ZNF107: variants seen among roughly 807,000 people sequenced by gnomAD.
ZNF107 encodes C2H2 type zinc-finger protein.
ZNF107 carries 19 observed loss-of-function variants against 12.3 expected under a neutral mutation model. The ratio of observed to expected loss-of-function variants is 1.55; its 90% CI spans 1.08 to 2.27. The LOEUF is 2.27. ZNF107 is among the 30% of genes most tolerant of loss of function. ZNF107 has a pLI of 0.00. For synonymous variants in ZNF107, 317 were observed against 330.5 expected (o/e 0.96, Z 0.44); for missense variants, 958 against 979.9 (o/e 0.98, Z 0.30).
rs59553545 is a variant in ZNF107 at position 64,705,968 on chromosome 7, TA to T, written c.227-345del. 0.011 allele frequency among the ~76,000 whole-genome samples: 1,657 copies of T among 146,306 alleles called. 75 individuals are homozygous for T. The East Asian group carries it at 0.12, about 11-fold the overall frequency. On this transcript the variant is annotated intron_variant, in intron 3 of 3. Transcript: ENST00000620827. ...TGTTTGTTATTATTTTTCTTGTCTT[TA>T]AAAAAAAAAACACTAAGAGTTGGCA... is the stretch of plus-strand genomic sequence containing the variant.
At chr7:64,698,836 T>A (rs905080358) in intron 3 of ZNF107, among the ~76,000 whole-genome samples, 30 of 152,230 alleles carry the variant, frequency 2.0e-4, no homozygotes, top group Non-Finnish European at 2.8e-4. Flanking sequence ...AGTATTTTTT[T>A]AAAATATTTT....
intron 1 of ZNF107, among the ~76,000 whole-genome samples, chr7:64,682,061 G>C (rs1412495830): frequency 6.6e-6 from 1 of 151,886 alleles, no homozygotes; most frequent in Non-Finnish European, 1.5e-5. Flanking sequence ...CCAAGCCCTT[G>C]CCTGCGACCT....
intron 1 of ZNF107, chr7:64,679,166 C>G: frequency 1.0e-6 from 1 of 984,176 alleles, no homozygotes; most frequent in South Asian, 4.7e-5. Flanking sequence ...TGGGTTTTCT[C>G]TTCAATCCAG....
rs756091616 is a variant in ZNF107 at position 64,708,402 on chromosome 7, G to T, written c.2305G>T (p.Ala769Ser). ...CTATAAATGTGAAGAATGTGGCAAA[G>T]CTTTTAACCAATCCTCAAACCTTAC... ...KPYKCEECGK[A>S]FNQSSNLTTH... Residue 769 changes from alanine to serine, a missense_variant, in exon 4 of 4, where the codon GCT becomes TCT. Transcript: ENST00000620827. 1.2e-6 allele frequency: 2 copies of T among 1,603,686 alleles called. No homozygotes were observed. The highest frequency in any genetic ancestry group is 2.7e-5 in the African/African-American group (2 of 74,532).
Position 64,710,167 on chromosome 7 carries a change from A to G in ZNF107, c.*1511A>G, listed in dbSNP as rs1480010113. The G allele has an allele frequency of 6.3e-6, 1 of 158,734 alleles. No individual in the cohort carries two copies. Among genetic ancestry groups the G allele is most frequent in the African/African-American group, 2.4e-5 (1 of 41,480 alleles). 9.8% of individuals were successfully genotyped at this position (158,734 alleles called of 1,614,324 possible). A position where few individuals can be genotyped will look rare whatever the true frequency, so the allele number is the denominator to read the frequency against. ...AAAAAAGAGTATTCATTGTGAGGAC[A>G]AACAATACAAATACGAAGAGGGTTG... On this transcript the variant is annotated 3_prime_UTR_variant, in exon 4 of 4. Transcript: ENST00000620827.
intron 1 of ZNF107, 118 bp from the exon 2 acceptor site, chr7:64,691,130 C>A: frequency 9.5e-7 from 1 of 1,049,560 alleles, no homozygotes; most frequent in Non-Finnish European, 1.2e-6. Context: ...CCTTGGCCTC[C>A]CAAAGTGCTG....
chr7:64,690,020 A>G (rs1358808719), intron 1 of ZNF107: 1 of 152,182 alleles, frequency 6.6e-6, no homozygotes, highest in Non-Finnish European at 1.5e-5. Flanking sequence ...CATGGTCCCT[A>G]CCATCTAGGA....
chr7:64,683,536 T>C (rs1042163807), intron 1 of ZNF107, among the ~76,000 whole-genome samples: 8 of 152,210 alleles, frequency 5.3e-5, no homozygotes, highest in Admixed American at 3.9e-4. Context: ...GCTAGTCCTT[T>C]CCAACTCACA....
At chr7:64,680,719 G>A (rs1045519551) in intron 1 of ZNF107, among the ~76,000 whole-genome samples, 2 of 152,038 alleles carry the variant, frequency 1.3e-5, no homozygotes, top group Admixed American at 6.6e-5. Context: ...GTCAGCTCCC[G>A]ACATTAGAAA....
Position 64,709,788 on chromosome 7 carries a change from C to T in ZNF107, c.*1132C>T. ...GTACGTAATAAAAGCATTATAAATG[C>T]AATTTTTGTCAAGAGATCTTTCAGA... On this transcript the variant is annotated 3_prime_UTR_variant, in exon 4 of 4. Transcript: ENST00000620827. The T allele has an allele frequency of 2.2e-6, 1 of 447,966 alleles. No homozygotes were observed. The highest frequency in any genetic ancestry group is 1.6e-5 in the South Asian group (1 of 62,430). The allele number at this position is 447,966 out of a possible 1,614,324, so 27.7% of individuals were successfully genotyped here.
At chr7:64,673,289 G>T (rs574849116) in intron 1 of ZNF107, among the ~76,000 whole-genome samples, 11 of 152,140 alleles carry the variant, frequency 7.2e-5, no homozygotes, top group African/African-American at 2.7e-4. Flanking sequence ...TGATCCACCC[G>T]CCTTGGCCTC....
intron 3 of ZNF107, among the ~76,000 whole-genome samples, chr7:64,702,577 T>C (rs1790510878): frequency 6.6e-6 from 1 of 152,082 alleles, no homozygotes; most frequent in South Asian, 2.1e-4. Context: ...TTTTTTTTCT[T>C]GAGACAAAGT....
chr7:64,674,551 G>T (rs1308739746), intron 1 of ZNF107, among the ~76,000 whole-genome samples: 1 of 152,164 alleles, frequency 6.6e-6, no homozygotes, highest in Non-Finnish European at 1.5e-5. Context: ...TGCAAACAGG[G>T]ATAGTTTGAC....
chr7:64,675,226 G>A (rs1475511205), intron 1 of ZNF107, among the ~76,000 whole-genome samples: 2 of 152,094 alleles, frequency 1.3e-5, no homozygotes, highest in Non-Finnish European at 2.9e-5. Context: ...AATCTCTCTG[G>A]TCCTGAGCCT....
rs1722272956 is a variant in ZNF107, at chr7:64,707,761, A to AT, written c.1665dup (p.Lys556Ter). Reference sequence around the variant, plus strand: ...AACCGATTCTCAACCCTTACTAAACATAAGAGAATTCATACTGGAGAAAAA... The same window carrying AT: ...AACCGATTCTCAACCCTTACTAAACATTAAGAGAATTCATACTGGAGAAAAA... On this transcript the variant is annotated frameshift_variant, in exon 4 of 4. Transcript: ENST00000620827. LOFTEE classifies it low-confidence loss of function (END_TRUNC). 6.2e-7 allele frequency: 1 copy of AT among 1,612,258 alleles called. No individual in the cohort carries two copies. Among genetic ancestry groups the AT allele is most frequent in the South Asian group, 1.1e-5 (1 of 90,880 alleles).
In ZNF107 at chr7:64,709,717, A is replaced by T. The variant is rs1441314917; in HGVS notation, c.*1061A>T. ...ATTGTACAAATACAAGGAATGTGGA[A>T]AAGCCATTATTATCTGCTCAGATTT... On this transcript the variant is annotated 3_prime_UTR_variant, in exon 4 of 4. Transcript: ENST00000620827. The T allele has an allele frequency of 1.3e-5, 6 of 455,874 alleles. No individual in the cohort carries two copies. Among genetic ancestry groups the T allele is most frequent in the Non-Finnish European group, 2.6e-5 (6 of 226,782 alleles). 28.2% of individuals were successfully genotyped at this position (455,874 alleles called of 1,614,324 possible).
At chr7:64,685,770 C>G (rs181879786) in intron 1 of ZNF107, among the ~76,000 whole-genome samples, 8 of 152,270 alleles carry the variant, frequency 5.3e-5, no homozygotes, top group East Asian at 1.9e-4. Flanking sequence ...GAACTTCAAC[C>G]TATGTCTGCC....
At chr7:64,684,453 G>T (rs1252629935) in intron 1 of ZNF107, 2 of 433,272 alleles carry the variant, frequency 4.6e-6, no homozygotes, top group Non-Finnish European at 6.1e-6. Context: ...GTACCCCAAT[G>T]GCTGTCTGCT....
At position 64,706,704 on chromosome 7, in the gene ZNF107, T is replaced by A. The variant is rs766279846; in HGVS notation, c.607T>A (p.Cys203Ser). 1 of 1,612,586 alleles carries A rather than the reference T, an allele frequency of 6.2e-7. No individual in the cohort carries two copies. Among genetic ancestry groups the A allele is most frequent in the South Asian group, 1.1e-5 (1 of 90,856 alleles). ...TCATACTAGAGTGAATTCCTACAAA[T>A]GTGAAGAATGTGGAAAAGCCTTTAA... ...RIHTRVNSYK[C>S]EECGKAFNWF... Residue 203 changes from cysteine to serine, a missense_variant, in exon 4 of 4, where the codon TGT (cysteine) becomes AGT (serine). Physicochemically the swap from Cys to Ser is moderately radical, Grantham distance 112 (BLOSUM62 -1). Transcript: ENST00000620827.
Sources: allele counts gnomAD v4.1 joint callset (sites outside exome capture counted in the v4.1 genomes callset), GRCh38; gene constraint gnomAD v4.1.1; transcripts MANE v1.5; gene names NCBI Gene and HGNC (gene_info 2026-07-23, HGNC 2026-07-21).